The following GABBR2 variants were observed in gnomAD, a reference collection of about 807,000 sequenced individuals.
GABBR2 encodes G-protein coupled receptor 51.
In GABBR2, 23 loss-of-function variants were observed where a neutral mutation model predicts 105.6. That is an observed-to-expected ratio of 0.22 (90% CI 0.16 to 0.31). The LOEUF is 0.31. Among genes scored for constraint, GABBR2 ranks in the 10% least tolerant of loss-of-function variants. GABBR2 has a pLI of 1.00. For missense variants in GABBR2, 734 were observed against 1,245.5 expected (o/e 0.59, Z 6.18); for synonymous variants, 478 against 499.7 (o/e 0.96, Z 0.58).
intron 7 of GABBR2, among the ~76,000 whole-genome samples, chr9:98,440,333 C>A (rs1357723227): frequency 6.6e-6 from 1 of 152,204 alleles, no homozygotes; most frequent in African/African-American, 2.4e-5. Flanking sequence ...CTATGTTTTA[C>A]AGATAAGAAA....
At chr9:98,592,680 G>A (rs1389357124) in intron 1 of GABBR2, among the ~76,000 whole-genome samples, 2 of 152,212 alleles carry the variant, frequency 1.3e-5, no homozygotes, top group Non-Finnish European at 2.9e-5. Context: ...CATCAGGAGA[G>A]TGTTGTAGAA....
chr9:98,505,347 T>A (rs757687956), intron 3 of GABBR2, among the ~76,000 whole-genome samples: 9 of 152,128 alleles, frequency 5.9e-5, no homozygotes, highest in Non-Finnish European at 1.0e-4. Context: ...TGTAACTGAA[T>A]ATGTATTAGA....
chr9:98,378,963 C>T (rs952923361), intron 11 of GABBR2, among the ~76,000 whole-genome samples: 10 of 152,198 alleles, frequency 6.6e-5, no homozygotes, highest in African/African-American at 2.2e-4. Flanking sequence ...AGCTGAGTCA[C>T]GCTCTTCTGA....
chr9:98,290,423 C>A lies in GABBR2; in HGVS notation c.*161G>T. The A allele has an allele frequency of 2.4e-6, 1 of 416,942 alleles. No homozygotes were observed. The highest frequency in any genetic ancestry group is 4.1e-6 in the Non-Finnish European group (1 of 241,168). The allele number at this position is 416,942 out of a possible 1,614,324, so 25.8% of individuals were successfully genotyped here. A position where few individuals can be genotyped will look rare whatever the true frequency, so the allele number is the denominator to read the frequency against. ...TCGAGGTCAGGTGCCAAGTCTCCCC[C>A]TGCCCCGTCCTGTCCACCTGAGTGC... On this transcript the variant is annotated 3_prime_UTR_variant, in exon 19 of 19. Coordinates refer to ENST00000259455, the MANE Select transcript of GABBR2 (RefSeq NM_005458.8).
chr9:98,552,486 T>G (rs1377113396), intron 2 of GABBR2, among the ~76,000 whole-genome samples: 1 of 152,186 alleles, frequency 6.6e-6, no homozygotes, highest in African/African-American at 2.4e-5. Flanking sequence ...CCAGGCTGTG[T>G]GTGTTGGGAA....
chr9:98,534,617 C>T lies in GABBR2; in HGVS notation c.630+7256G>A, dbSNP rs999058425. Among the ~76,000 whole-genome samples, 9 of 152,128 alleles carry T rather than the reference C, an allele frequency of 5.9e-5. No individual in the cohort carries two copies. In the East Asian group the frequency reaches 1.5e-3, roughly 26 times the overall value. On this transcript the variant is annotated intron_variant, in intron 3 of 18. Transcript: ENST00000259455. ...GATGAAAAAAAGATGGCAAAGAAGC[C>T]TACGAAAAGATGCTCCACATCATAT...
chr9:98,706,019 T>C (rs188538271), intron 1 of GABBR2, among the ~76,000 whole-genome samples: 1 of 150,438 alleles, frequency 6.6e-6, no homozygotes. Flanking sequence ...GAGGTTGCGG[T>C]GAGCCAAGAT....
intron 11 of GABBR2, among the ~76,000 whole-genome samples, chr9:98,374,901 G>A (rs1198221585): frequency 6.6e-6 from 1 of 152,112 alleles, no homozygotes; most frequent in African/African-American, 2.4e-5. Context: ...TGAACTTGGG[G>A]GTTGTCTTGG....
chr9:98,594,327 A>T (rs781296601), intron 1 of GABBR2, among the ~76,000 whole-genome samples: 6 of 152,216 alleles, frequency 3.9e-5, no homozygotes, highest in Non-Finnish European at 7.4e-5. Flanking sequence ...CCCCAAGCCC[A>T]TCACGACACT....
At chr9:98,708,370 C>T in intron 1 of GABBR2, 47 bp downstream of exon 1, 1 of 1,324,084 alleles carries the variant, frequency 7.6e-7, no homozygotes, top group Non-Finnish European at 9.8e-7. Context: ...AACCACCCAC[C>T]CCAATGCCCC....
chr9:98,306,353 G>A lies in GABBR2; in HGVS notation c.2005-8C>T. 3.7e-6 allele frequency: 6 copies of A among 1,603,526 alleles called. No individual in the cohort carries two copies. Among genetic ancestry groups the A allele is most frequent in the Non-Finnish European group, 5.1e-6 (6 of 1,170,766 alleles). On this transcript the variant is annotated splice_polypyrimidine_tract_variant and splice_region_variant and intron_variant, in intron 14 of 18. Transcript: ENST00000259455. This position sits in a 1 kb window ranked among gnomAD's most constrained non-coding sequence, Gnocchi z 5.4. Reference sequence around the variant, plus strand: ...TAAGAAACAACCGAACAACTGAAATGGTGAACAGAAAGGGGAGAGATGATC... The same window carrying A: ...TAAGAAACAACCGAACAACTGAAATAGTGAACAGAAAGGGGAGAGATGATC...
intron 7 of GABBR2, among the ~76,000 whole-genome samples, chr9:98,453,501 T>G (rs1826271638): frequency 6.6e-6 from 1 of 152,278 alleles, no homozygotes; most frequent in South Asian, 2.1e-4. Flanking sequence ...CAGCACCATG[T>G]CATACATAGT....
chr9:98,361,386 C>T (rs1368277140), intron 13 of GABBR2, among the ~76,000 whole-genome samples: 1 of 152,286 alleles, frequency 6.6e-6, no homozygotes, highest in Non-Finnish European at 1.5e-5. Flanking sequence ...CTCTTATCAT[C>T]GTTGCTTTTT....
intron 12 of GABBR2, among the ~76,000 whole-genome samples, chr9:98,366,950 C>T (rs1831687777): frequency 1.3e-5 from 2 of 151,974 alleles, no homozygotes; most frequent in Non-Finnish European, 2.9e-5. Flanking sequence ...CCATTTGGTC[C>T]TAGTATGAGG....
chr9:98,515,753 C>A (rs1827744970), intron 3 of GABBR2, among the ~76,000 whole-genome samples: 1 of 150,152 alleles, frequency 6.7e-6, no homozygotes, highest in African/African-American at 2.4e-5. Flanking sequence ...GGGCCACAGG[C>A]GACACACCAG....
At chr9:98,706,134 G>A in intron 1 of GABBR2, among the ~76,000 whole-genome samples, 1 of 151,250 alleles carries the variant, frequency 6.6e-6, no homozygotes. Flanking sequence ...AAAGAAGGAG[G>A]AGGAGGAGGG....
intron 3 of GABBR2, among the ~76,000 whole-genome samples, chr9:98,536,915 T>G (rs1225317038): frequency 1.3e-5 from 2 of 152,090 alleles, no homozygotes; most frequent in Non-Finnish European, 2.9e-5. Context: ...TGCTCCTCAG[T>G]CCCCAGGCCT....
intron 1 of GABBR2, among the ~76,000 whole-genome samples, chr9:98,653,541 A>T (rs1056719107): frequency 1.3e-5 from 2 of 152,224 alleles, no homozygotes; most frequent in Admixed American, 6.5e-5. Flanking sequence ...CCTAGGTAGA[A>T]TAAGTTTACC....
At chr9:98,602,536 C>G (rs1042027693) in intron 1 of GABBR2, among the ~76,000 whole-genome samples, 4 of 151,948 alleles carry the variant, frequency 2.6e-5, no homozygotes, top group African/African-American at 9.7e-5. Flanking sequence ...AATGATCCTC[C>G]CTCCTAGACC....
Sources: allele counts gnomAD v4.1 joint callset (sites outside exome capture counted in the v4.1 genomes callset), GRCh38; gene constraint gnomAD v4.1.1; non-coding constraint Gnocchi (gnomAD v3.1); transcripts MANE v1.5; gene names NCBI Gene and HGNC (gene_info 2026-07-23, HGNC 2026-07-21).